The following SGSM1 variants were observed in gnomAD, a reference collection of about 807,000 sequenced individuals.
SGSM1 encodes RUN and TBC1 domain containing 2.
Under a neutral mutation model 133.8 loss-of-function variants are expected in SGSM1, and 73 were observed. That is an observed-to-expected ratio of 0.55 (90% confidence interval 0.45 to 0.66). The LOEUF (loss-of-function observed/expected upper bound fraction) is 0.66, where lower values mean the gene tolerates loss of function less well. Ranked by LOEUF, SGSM1 falls within the 30% of genes least tolerant of loss-of-function variation. The pLI is 0.00. For missense variants in SGSM1, 1,213 were observed against 1,448.1 expected, an observed-to-expected ratio of 0.84 and a Z score of 2.64; for synonymous variants, 563 against 573.0, an observed-to-expected ratio of 0.98 and a Z score of 0.25.
rs770834809 is a variant in SGSM1 at position 24,898,433 on chromosome 22, G to A, written c.2484G>A (p.Ala828=). Residue 828 remains alanine, a synonymous_variant, in exon 19 of 25, where the codon GCG becomes GCA. Transcript: ENST00000400358. ...RSSETEKHGQ[A]DSEDNLSEEP... is the part of the protein sequence containing the mutation. ...GCGAGACAGAGAAACATGGCCAGGCGGACAGTGAGGACAACCTCTCGGAGG... is the reference window on the plus strand; with the variant it reads ...GCGAGACAGAGAAACATGGCCAGGCAGACAGTGAGGACAACCTCTCGGAGG... 1.9e-5 allele frequency: 30 copies of A among 1,613,740 alleles called. No individual in the cohort carries two copies. The highest frequency in any genetic ancestry group is 1.8e-4 in the East Asian group (8 of 44,870).
intron 2 of SGSM1, among the ~76,000 whole-genome samples, chr22:24,842,696 G>A (rs1228829551): frequency 6.6e-6 from 1 of 152,178 alleles, no homozygotes; most frequent in Admixed American, 6.5e-5. Flanking sequence ...CCCAAGCAGG[G>A]GAATTTGATG....
intron 9 of SGSM1, among the ~76,000 whole-genome samples, chr22:24,864,054 CT>C (rs1931311915): frequency 6.6e-6 from 1 of 152,026 alleles, no homozygotes; most frequent in South Asian, 2.1e-4. Flanking sequence ...GCTCTTTTTT[CT>C]TTTCACAGCC....
intron 3 of SGSM1, among the ~76,000 whole-genome samples, chr22:24,845,947 T>TTCTTTCTTTCTCTCTC (rs1422307766): frequency 3.5e-5 from 2 of 56,522 alleles, no homozygotes; most frequent in African/African-American, 1.2e-4. Flanking sequence ...TTTCTTTTCT[T>TTCTTTCTTTCTCTCTC]TCTTTCTTTC....
rs60386136 is a variant in SGSM1 at position 24,907,933 on chromosome 22, A to AAAAAAAAAAAG, written c.2818+2748_2818+2749insAAAAAAAAGAA. Among the ~76,000 whole-genome samples the AAAAAAAAAAAG allele has an allele frequency of 7.0e-4, 77 of 109,976 alleles. 8 individuals are homozygous for AAAAAAAAAAAG. Among genetic ancestry groups the AAAAAAAAAAAG allele is most frequent in the African/African-American group, 1.4e-3 (35 of 25,148 alleles). 72.1% of individuals were successfully genotyped at this position (109,976 alleles called of 152,430 possible). A position where few individuals can be genotyped will look rare whatever the true frequency, so the allele number is the denominator to read the frequency against. On this transcript the variant is annotated intron_variant, in intron 21 of 24. Transcript: ENST00000400358. The stretch of plus-strand genomic sequence containing the variant: ...TCTCAAAAAAAAAAAAAAAAAAAAA[A>AAAAAAAAAAAG]AAGATGTTGCAGGACTCACAGTACC...
chr22:24,923,074 G>A (rs1249295380), intron 24 of SGSM1, among the ~76,000 whole-genome samples: 1 of 152,056 alleles, frequency 6.6e-6, no homozygotes, highest in East Asian at 1.9e-4. Context: ...GGAGGTGGAG[G>A]TTATAGTGAG....
chr22:24,900,152 C>T (rs550045725), intron 19 of SGSM1, among the ~76,000 whole-genome samples: 94 of 151,766 alleles, frequency 6.2e-4, no homozygotes, highest in Non-Finnish European at 1.1e-3. Context: ...CCACAAGTAG[C>T]TGGGACTACA....
At chr22:24,866,139 T>G (rs2147870931) in intron 9 of SGSM1, among the ~76,000 whole-genome samples, 2 of 152,270 alleles carry the variant, frequency 1.3e-5, no homozygotes, top group Middle Eastern at 6.8e-3. Context: ...GCTATTTGTT[T>G]CAGGACAGCA....
At chr22:24,811,473 T>C (rs1169171063) in intron 2 of SGSM1, among the ~76,000 whole-genome samples, 1 of 152,192 alleles carries the variant, frequency 6.6e-6, no homozygotes, top group Non-Finnish European at 1.5e-5. Flanking sequence ...CTTGGCTCCC[T>C]AGCCATGTCA....
intron 12 of SGSM1, 77 bp from the exon 13 acceptor site, chr22:24,876,500 G>T: frequency 6.3e-7 from 1 of 1,584,952 alleles, no homozygotes; most frequent in Admixed American, 1.7e-5. Flanking sequence ...TGAGCTGCTT[G>T]CTCTAGGGTG....
chr22:24,840,087 T>C (rs1601909483), intron 2 of SGSM1, among the ~76,000 whole-genome samples: 1 of 151,514 alleles, frequency 6.6e-6, no homozygotes, highest in South Asian at 2.1e-4. Flanking sequence ...GGACTACAGG[T>C]GCCCGCCACT....
chr22:24,809,115 A>G (rs1927584763), intron 2 of SGSM1, among the ~76,000 whole-genome samples: 2 of 152,188 alleles, frequency 1.3e-5, no homozygotes, highest in South Asian at 4.2e-4. Context: ...TAGGTACCCT[A>G]AGAACATGGC....
intron 13 of SGSM1, 41 bp downstream of exon 13, chr22:24,876,756 T>G (rs1370702920): frequency 6.2e-7 from 1 of 1,612,760 alleles, no homozygotes; most frequent in Non-Finnish European, 8.5e-7. Flanking sequence ...AGCTGAAGGA[T>G]GTACCAGAGA....
At chr22:24,863,709 C>G (rs1931287903) in intron 9 of SGSM1, among the ~76,000 whole-genome samples, 1 of 150,790 alleles carries the variant, frequency 6.6e-6, no homozygotes, top group Non-Finnish European at 1.5e-5. Flanking sequence ...TGGTTTTTGT[C>G]TGAGCTTGTG....
rs566103644 is a variant in SGSM1, at chr22:24,893,423, C to T, written c.1771-8C>T. The stretch of plus-strand genomic sequence containing the variant: ...ACACCTCGGGTGACATTGCATCTGC[C>T]CTGGCAGGTGGACGAGCAGATTCAT... On this transcript the variant is annotated splice_polypyrimidine_tract_variant and splice_region_variant and intron_variant, in intron 16 of 24. Transcript: ENST00000400358. 52 of 1,613,116 alleles carry T rather than the reference C, an allele frequency of 3.2e-5. No homozygotes were observed. Among genetic ancestry groups the T allele is most frequent in the Non-Finnish European group, 4.3e-5 (51 of 1,179,568 alleles).
At chr22:24,895,051 G>A (rs1932881753) in intron 17 of SGSM1, among the ~76,000 whole-genome samples, 172 bp from the exon 18 acceptor site, 1 of 152,184 alleles carries the variant, frequency 6.6e-6, no homozygotes, top group South Asian at 2.1e-4. Flanking sequence ...GAAGCAGGGA[G>A]TGGTGCCCCC....
chr22:24,806,273 C>G lies in SGSM1; in HGVS notation c.-53C>G. The G allele has an allele frequency of 2.9e-6, 4 of 1,399,956 alleles. No homozygotes were observed. The highest frequency in any genetic ancestry group is 3.7e-6 in the Non-Finnish European group (4 of 1,082,112). The allele number at this position is 1,399,956 out of a possible 1,614,324, so 86.7% of individuals were successfully genotyped here. A position where few individuals can be genotyped will look rare whatever the true frequency, so the allele number is the denominator to read the frequency against. ...GCAGCGCCGCGGCCGGAGGAGCTACCGCCGCCACCGCCGCCACCGCCTCCT... is the reference window on the plus strand; with the variant it reads ...GCAGCGCCGCGGCCGGAGGAGCTACGGCCGCCACCGCCGCCACCGCCTCCT... On this transcript the variant is annotated 5_prime_UTR_variant, in exon 1 of 25. Transcript: ENST00000400358.
rs753571655 is a variant in SGSM1 at position 24,850,296 on chromosome 22, G to C, written c.319G>C (p.Gly107Arg). Residue 107 changes from glycine (G) to arginine (R), a missense_variant, in exon 5 of 25, where the codon GGC becomes CGC. Coordinates refer to ENST00000400358, the MANE Select transcript of SGSM1 (RefSeq NM_001098497.3). The part of the protein sequence containing the change: ...LIESARNQIQ[G>R]LQENVRKLPK... ...GTCTTGAAGGAGAAACCAGATTCAA[G>C]GCCTCCAGGAGAATGTGCGGAAGCT... 8.7e-6 allele frequency: 14 copies of C among 1,602,238 alleles called. No homozygotes were observed. The highest frequency in any genetic ancestry group is 1.2e-5 in the Non-Finnish European group (14 of 1,174,386).
At chr22:24,923,029 G>C (rs113421236) in intron 24 of SGSM1, among the ~76,000 whole-genome samples, 3 of 152,242 alleles carry the variant, frequency 2.0e-5, no homozygotes, top group Non-Finnish European at 4.4e-5. Context: ...TCAGGAGGTT[G>C]GGATTAGAGG....
intron 5 of SGSM1, 53 bp downstream of exon 5, chr22:24,850,485 G>C (rs148115009): frequency 6.3e-7 from 1 of 1,590,268 alleles, no homozygotes; most frequent in East Asian, 2.3e-5. Context: ...CCTGCCGGCC[G>C]TTGTGGAAAT....
Sources: allele counts gnomAD v4.1 joint callset (sites outside exome capture counted in the v4.1 genomes callset), GRCh38; gene constraint gnomAD v4.1.1; transcripts MANE v1.5; gene names NCBI Gene and HGNC (gene_info 2026-07-23, HGNC 2026-07-21).